The following THSD7A variants were observed in gnomAD, a reference collection of about 807,000 sequenced individuals.
THSD7A encodes the protein thrombospondin type 1 domain containing 7A.
In THSD7A, 96 loss-of-function variants were observed where a neutral mutation model predicts 231.3. That is an observed-to-expected ratio of 0.41 (90% CI 0.35 to 0.49). The LOEUF is 0.49. Ranked by LOEUF, THSD7A falls within the 20% of genes least tolerant of loss-of-function variation. The probability of loss-of-function intolerance (pLI) is 0.05; values close to 1 mark genes in which losing one functional copy is unlikely to be tolerated. For missense variants in THSD7A, 2,290 were observed against 2,070.2 expected (o/e 1.11, Z -2.06); for synonymous variants, 940 against 743.3 (o/e 1.26, Z -4.30).
chr7:11,388,422 G>T (rs944155440), intron 23 of THSD7A, among the ~76,000 whole-genome samples: 1 of 152,198 alleles, frequency 6.6e-6, no homozygotes, highest in South Asian at 2.1e-4. Flanking sequence ...GACTTTGGAG[G>T]ATGTATGTGT....
At chr7:11,773,275 T>C (rs1783293671) in intron 1 of THSD7A, among the ~76,000 whole-genome samples, 1 of 152,202 alleles carries the variant, frequency 6.6e-6, no homozygotes. Flanking sequence ...GGCTCACGCC[T>C]GTAATCTCAG....
At position 11,815,055 on chromosome 7, in the gene THSD7A, T is replaced by C. The variant is rs573722191; in HGVS notation, c.190+16702A>G. On this transcript the variant is annotated intron_variant, in intron 1 of 27. Transcript: ENST00000423059. ...TTTAATTTGAATTTGTTGTTACATA[T>C]ACTTTCATGTAGCCATTCCCTAAAA... 4.0e-5 allele frequency among the ~76,000 whole-genome samples: 6 copies of C among 150,874 alleles called. No individual in the cohort carries two copies. The East Asian group carries it at 5.9e-4, about 15-fold the overall frequency.
At chr7:11,537,222 G>A (rs1788949651) in intron 6 of THSD7A, among the ~76,000 whole-genome samples, 1 of 152,148 alleles carries the variant, frequency 6.6e-6, no homozygotes, top group African/African-American at 2.4e-5. Context: ...TATTACAGAA[G>A]GAAGAAATTG....
At chr7:11,633,787 T>G (rs1277805058) in intron 2 of THSD7A, among the ~76,000 whole-genome samples, 3 of 152,206 alleles carry the variant, frequency 2.0e-5, no homozygotes, top group Non-Finnish European at 2.9e-5. Context: ...TGAGCAGTAA[T>G]TCTAAAATTA....
At chr7:11,517,871 T>A (rs950475622) in intron 6 of THSD7A, among the ~76,000 whole-genome samples, 3 of 151,974 alleles carry the variant, frequency 2.0e-5, no homozygotes, top group Non-Finnish European at 4.4e-5. Flanking sequence ...ACCAACAGAG[T>A]ATTCAAATTT....
chr7:11,792,332 T>C (rs1783978599), intron 1 of THSD7A, among the ~76,000 whole-genome samples: 1 of 152,002 alleles, frequency 6.6e-6, no homozygotes, highest in African/African-American at 2.4e-5. Flanking sequence ...TAAATCTAAA[T>C]GTCATTTTCC....
rs371413319 is a variant in THSD7A at position 11,636,305 on chromosome 7, G to T, written c.847C>A (p.Arg283=). The T allele has an allele frequency of 1.2e-5, 20 of 1,613,730 alleles. No homozygotes were observed. The African/African-American group carries it at 2.5e-4, about 20-fold the overall frequency. Residue 283 remains arginine (R), a synonymous_variant, in exon 2 of 28, where the codon CGG becomes AGG. Transcript: ENST00000423059. This position sits in a 1 kb window ranked among gnomAD's most constrained non-coding sequence, Gnocchi z 10.0. Reference sequence around the variant, plus strand: ...ACTCCTTTGCTGCGGTCCTTTTCCCGTTCTTTATTCTTCCCGCGTCTCCTT... The same window carrying T: ...ACTCCTTTGCTGCGGTCCTTTTCCCTTTCTTTATTCTTCCCGCGTCTCCTT... ...QARRRGKNKE[R]EKDRSKGVKD...
At chr7:11,410,569 A>G (rs998778753) in intron 19 of THSD7A, 1 of 152,228 alleles carries the variant, frequency 6.6e-6, no homozygotes, top group Admixed American at 6.5e-5. Flanking sequence ...CATAAAGTGT[A>G]GCTTCATAAA....
intron 1 of THSD7A, among the ~76,000 whole-genome samples, chr7:11,726,470 A>G (rs1451776188): frequency 6.6e-6 from 1 of 151,876 alleles, no homozygotes; most frequent in African/African-American, 2.4e-5. Context: ...GAAATCCGGG[A>G]TTTCCCTTTT....
intron 5 of THSD7A, 108 bp downstream of exon 5, chr7:11,542,854 A>T (rs1188636805): frequency 4.8e-6 from 6 of 1,237,958 alleles, no homozygotes; most frequent in Non-Finnish European, 6.6e-6. Flanking sequence ...GTCTTTAGCC[A>T]TTCTGGAAAA....
intron 1 of THSD7A, among the ~76,000 whole-genome samples, chr7:11,729,555 C>T (rs745541530): frequency 2.6e-4 from 39 of 151,798 alleles, no homozygotes; most frequent in Non-Finnish European, 5.3e-4. Flanking sequence ...CTTAATTATA[C>T]TCTGTAATAA....
chr7:11,772,192 T>C (rs1432673940), intron 1 of THSD7A, among the ~76,000 whole-genome samples: 1 of 140,598 alleles, frequency 7.1e-6, no homozygotes, highest in Non-Finnish European at 1.5e-5. Flanking sequence ...GAATTATTAT[T>C]ATTAAAAAGT....
At chr7:11,559,255 T>G (rs1211712279) in intron 4 of THSD7A, among the ~76,000 whole-genome samples, 1 of 152,176 alleles carries the variant, frequency 6.6e-6, no homozygotes, top group Non-Finnish European at 1.5e-5. Flanking sequence ...CTTGGAGAGA[T>G]GCATGCCAGA....
intron 1 of THSD7A, among the ~76,000 whole-genome samples, chr7:11,665,715 G>T (rs1783104110): frequency 6.6e-6 from 1 of 152,110 alleles, no homozygotes; most frequent in Non-Finnish European, 1.5e-5. Context: ...GTCTGGCTCA[G>T]TCACCTTTTA....
In THSD7A at chr7:11,425,785, GC is replaced by G. The variant is rs1337606070; in HGVS notation, c.3249+880del. Among the ~76,000 whole-genome samples the G allele has an allele frequency of 1.3e-3, 193 of 148,204 alleles. 1 individual carries two copies. Among genetic ancestry groups the G allele is most frequent in the Middle Eastern group, 0.011 (3 of 284 alleles). Reference sequence around the variant, plus strand: ...ACACACTGAGAGACAGAGACAGAGAGCAAGAGAGAGAGAAAGGGAAGAGAGA... The same window carrying G: ...ACACACTGAGAGACAGAGACAGAGAGAAGAGAGAGAGAAAGGGAAGAGAGA... On this transcript the variant is annotated intron_variant, in intron 15 of 27. Coordinates refer to ENST00000423059, the MANE Select transcript of THSD7A (RefSeq NM_015204.3).
At chr7:11,515,654 T>A (rs1788001500) in intron 6 of THSD7A, among the ~76,000 whole-genome samples, 1 of 152,122 alleles carries the variant, frequency 6.6e-6, no homozygotes, top group Admixed American at 6.5e-5. Context: ...ATATATATAT[T>A]TTTAGAGATA....
At chr7:11,691,839 A>G (rs1254285061) in intron 1 of THSD7A, among the ~76,000 whole-genome samples, 1 of 151,446 alleles carries the variant, frequency 6.6e-6, no homozygotes, top group Non-Finnish European at 1.5e-5. Context: ...TGTTTCTCCT[A>G]TCATAGGAGA....
At chr7:11,733,462 A>G (rs1781805261) in intron 1 of THSD7A, among the ~76,000 whole-genome samples, 1 of 151,908 alleles carries the variant, frequency 6.6e-6, no homozygotes, top group Non-Finnish European at 1.5e-5. Flanking sequence ...AAATAATGGA[A>G]TTTCAAGAGT....
chr7:11,509,487 T>C (rs527893709), intron 6 of THSD7A, among the ~76,000 whole-genome samples: 7 of 152,152 alleles, frequency 4.6e-5, no homozygotes, highest in Admixed American at 1.3e-4. Flanking sequence ...TGTAAATTAA[T>C]ATTTACAATT....
Sources: allele counts gnomAD v4.1 joint callset (sites outside exome capture counted in the v4.1 genomes callset), GRCh38; gene constraint gnomAD v4.1.1; non-coding constraint Gnocchi (gnomAD v3.1); transcripts MANE v1.5; gene names NCBI Gene and HGNC (gene_info 2026-07-23, HGNC 2026-07-21).